FRMD3: variants seen among roughly 807,000 people sequenced by gnomAD.
The protein encoded by FRMD3 is FERM domain-containing protein 3.
Under a neutral mutation model 70.2 loss-of-function variants are expected in FRMD3, and 33 were observed. That is an observed-to-expected ratio of 0.47 (90% CI 0.36 to 0.63). FRMD3 has a LOEUF of 0.63. Among genes scored for constraint, FRMD3 ranks in the 20% least tolerant of loss-of-function variants. The pLI, the probability that FRMD3 is intolerant of heterozygous loss-of-function variation, is 0.00. For synonymous variants in FRMD3, 279 were observed against 255.9 expected (o/e 1.09, Z -0.86); for missense variants, 632 against 711.4 (o/e 0.89, Z 1.27).
At chr9:83,248,637 G>T in intron 13 of FRMD3, 121 bp from the exon 14 acceptor site, 2 of 1,069,794 alleles carry the variant, frequency 1.9e-6, no homozygotes, top group Non-Finnish European at 1.3e-6. Context: ...ATTATTCTGT[G>T]GTATCCTAAG....
intron 6 of FRMD3, among the ~76,000 whole-genome samples, chr9:83,320,144 T>C (rs1835740935): frequency 6.6e-6 from 1 of 152,222 alleles, no homozygotes; most frequent in Admixed American, 6.5e-5. Context: ...TGGATGTCTT[T>C]TTTTTTCTCT....
intron 4 of FRMD3, among the ~76,000 whole-genome samples, chr9:83,344,490 T>C (rs1391011485): frequency 6.6e-6 from 1 of 152,134 alleles, no homozygotes; most frequent in Non-Finnish European, 1.5e-5. Flanking sequence ...CAGATGACCC[T>C]CCCCAGTGTG....
chr9:83,536,457 T>C (rs1243526111), intron 1 of FRMD3, among the ~76,000 whole-genome samples: 2 of 152,092 alleles, frequency 1.3e-5, no homozygotes, highest in African/African-American at 2.4e-5. Context: ...CATCTACACA[T>C]TCATTATGGG....
At chr9:83,584,497 G>A in the FRMD3 span, among the ~76,000 whole-genome samples, 3 of 151,960 alleles carry the variant, frequency 2.0e-5, no homozygotes, top group East Asian at 5.8e-4. Context: ...TAATTTTAGA[G>A]TGAGGAAGTC....
At chr9:83,464,448 G>A (rs1358056106) in intron 1 of FRMD3, among the ~76,000 whole-genome samples, 1 of 152,084 alleles carries the variant, frequency 6.6e-6, no homozygotes, top group Non-Finnish European at 1.5e-5. Context: ...CGATGGTAAG[G>A]GTCACCATCA....
chr9:83,256,450 A>G lies in FRMD3; in HGVS notation c.1196-7934T>C, dbSNP rs556862512. 5.2e-5 allele frequency among the ~76,000 whole-genome samples: 8 copies of G among 152,390 alleles called. No homozygotes were observed. The South Asian group carries it at 1.7e-3, about 32-fold the overall frequency. On this transcript the variant is annotated intron_variant, in intron 13 of 13. Coordinates refer to ENST00000304195, the MANE Select transcript of FRMD3 (RefSeq NM_174938.6). ...AAATCTAGGCAACACCATCCAGGACATAGGCATGGGCAAAGATTTCATGAC... is the reference window on the plus strand; with the variant it reads ...AAATCTAGGCAACACCATCCAGGACGTAGGCATGGGCAAAGATTTCATGAC...
At chr9:83,308,842 T>C (rs983159635) in intron 10 of FRMD3, among the ~76,000 whole-genome samples, 2 of 152,156 alleles carry the variant, frequency 1.3e-5, no homozygotes, top group South Asian at 2.1e-4. Flanking sequence ...AGAGGTCTCT[T>C]TTTCTGGTTG....
chr9:83,538,156 T>G lies in FRMD3; in HGVS notation c.76A>C (p.Lys26Gln), dbSNP rs1486849143. ...KMIHFRSSSV[K>Q]SLSQEMRCTI... ...CATCTCATCTCCTGGCTGAGCGATT[T>G]GACGCTGGAGCTCCGAAAGTGGATC... Residue 26 changes from lysine to glutamine, a missense_variant, in exon 1 of 14, where the codon AAA (lysine) becomes CAA (glutamine). Around this residue, in one of 3 missense-constraint regions of FRMD3, gnomAD observed 208 missense variants for 247.7 expected, o/e 0.84. Transcript: ENST00000304195. This position sits in a 1 kb window ranked among gnomAD's most constrained non-coding sequence, Gnocchi z 4.7. 3 of 1,613,298 alleles carry G rather than the reference T, an allele frequency of 1.9e-6. No homozygotes were observed. Among genetic ancestry groups the G allele is most frequent in the Non-Finnish European group, 2.5e-6 (3 of 1,179,710 alleles).
Position 83,343,195 on chromosome 9 carries a change from A to G in FRMD3, c.467T>C (p.Val156Ala). ...TGAGCTGTGGCCAGACTTACCTTGAACAATACAGGCACCCAGGTAGGCAGC... is the reference window on the plus strand; with the variant it reads ...TGAGCTGTGGCCAGACTTACCTTGAGCAATACAGGCACCCAGGTAGGCAGC... ...SDAAYLGACI[V>A]QAELGDYDPD... Residue 156 changes from valine to alanine, a missense_variant, in exon 5 of 14, where the codon GTT becomes GCT. By Grantham distance (64) the Val-to-Ala change is moderately conservative. Transcript: ENST00000304195. 1 of 1,612,218 alleles carries G rather than the reference A, an allele frequency of 6.2e-7. No homozygotes were observed. Among genetic ancestry groups the G allele is most frequent in the Non-Finnish European group, 8.5e-7 (1 of 1,178,274 alleles).
chr9:83,386,126 A>C (rs775632262), intron 2 of FRMD3, among the ~76,000 whole-genome samples: 2 of 152,138 alleles, frequency 1.3e-5, no homozygotes, highest in East Asian at 3.9e-4. Flanking sequence ...TGCTTTATCC[A>C]TCAGGACAGA....
At chr9:83,256,544 C>T (rs1476751339) in intron 13 of FRMD3, among the ~76,000 whole-genome samples, 1 of 151,448 alleles carries the variant, frequency 6.6e-6, no homozygotes, top group Non-Finnish European at 1.5e-5. Flanking sequence ...CTAAAGAGCA[C>T]AGCAAAAGAA....
At chr9:83,390,010 G>A (rs537859209) in intron 1 of FRMD3, among the ~76,000 whole-genome samples, 1 of 152,250 alleles carries the variant, frequency 6.6e-6, no homozygotes, top group East Asian at 1.9e-4. Flanking sequence ...ATGACTCAGA[G>A]TACTAATTTC....
chr9:83,290,648 GCAGGGGCTGCAGGGGTTC>G lies in FRMD3; in HGVS notation c.1132_1149del (p.Glu378_Leu383del). On this transcript the variant is annotated inframe_deletion, in exon 13 of 14. Transcript: ENST00000304195. ...TCTTCTTGCTCGCTGGGGGAAGGAA[GCAGGGGCTGCAGGGGTTC>G]CATGTTAATGATGAGCTGTTTGTTC... 6.2e-7 allele frequency: 1 copy of G among 1,614,102 alleles called. No homozygotes were observed.
At chr9:83,392,192 T>C (rs1161157606) in intron 1 of FRMD3, among the ~76,000 whole-genome samples, 5 of 152,104 alleles carry the variant, frequency 3.3e-5, no homozygotes, top group Admixed American at 6.6e-5. Flanking sequence ...GAGACATCAA[T>C]AGCCCTTTGC....
chr9:83,516,973 G>C (rs1261463020), intron 1 of FRMD3, among the ~76,000 whole-genome samples: 1 of 152,170 alleles, frequency 6.6e-6, no homozygotes. Context: ...CTAAAGCACT[G>C]TTTAGAGGGA....
intron 3 of FRMD3, among the ~76,000 whole-genome samples, chr9:83,355,999 G>T (rs1824323632): frequency 6.6e-6 from 1 of 152,158 alleles, no homozygotes; most frequent in Admixed American, 6.5e-5. Context: ...GGCCCCTTTT[G>T]TGTCAGCAAA....
intron 7 of FRMD3, 32 bp downstream of exon 7, chr9:83,313,628 T>C (rs1835449071): frequency 6.5e-7 from 1 of 1,542,184 alleles, no homozygotes; most frequent in East Asian, 2.2e-5. Flanking sequence ...AAAACAACCA[T>C]TATATGGTGA....
chr9:83,290,296 T>C (rs764207881), intron 13 of FRMD3, among the ~76,000 whole-genome samples: 5 of 152,216 alleles, frequency 3.3e-5, no homozygotes, highest in Non-Finnish European at 7.3e-5. Flanking sequence ...TTAAACTTAG[T>C]TTAATACAGC....
the FRMD3 span, among the ~76,000 whole-genome samples, chr9:83,574,663 G>A: frequency 6.6e-6 from 1 of 152,154 alleles, no homozygotes; most frequent in Non-Finnish European, 1.5e-5. Flanking sequence ...AATAGAATGT[G>A]GGGTAGGTTA....
Sources: gnomAD v4.1 joint callset for allele counts (sites outside exome capture counted in the v4.1 genomes callset) on GRCh38, gnomAD v4.1.1 for gene constraint, gnomAD v4.1.1 regional missense constraint, Gnocchi (gnomAD v3.1) non-coding constraint, MANE v1.5 for transcripts, NCBI Gene and HGNC (gene_info 2026-07-23, HGNC 2026-07-21) for gene names.